Variants in ODAD2 observed in about 807,000 individuals in gnomAD.
ODAD2 encodes outer dynein arm-docking complex subunit 2.
A neutral mutation model predicts 106.8 loss-of-function variants in ODAD2; 89 were observed. That is an observed-to-expected ratio of 0.83 (90% CI 0.70 to 0.99). The LOEUF is 0.99. ODAD2 is among the 50% of genes least tolerant of loss of function. The probability of loss-of-function intolerance (pLI) is 0.00; values close to 1 mark genes in which losing one functional copy is unlikely to be tolerated. For synonymous variants in ODAD2, 404 were observed against 436.2 expected, an observed-to-expected ratio of 0.93 and a Z score of 0.92; for missense variants, 1,168 against 1,238.5, an observed-to-expected ratio of 0.94 and a Z score of 0.85.
In ODAD2 at chr10:27,981,569, T is replaced by A; in HGVS notation, c.833A>T (p.Asp278Val). 6.5e-7 allele frequency: 1 copy of A among 1,544,780 alleles called. No homozygotes were observed. The highest frequency in any genetic ancestry group is 1.3e-5 in the South Asian group (1 of 77,296). The change falls in exon 7 of 20, where the codon GAT (aspartate) becomes GTT (valine). Residue 278 changes from aspartate to valine, a missense_variant. Transcript: ENST00000305242. ...TCTCTCATAATTAACGTCCCCTTCA[T>A]CATCTGTTTTGCCCTTTGGGAAAAA... is the stretch of plus-strand genomic sequence containing the variant. ...GVFLNGGKTD[D>V]EGDVNYERKG...
chr10:27,936,585 C>A (rs570728324), intron 15 of ODAD2, 141 bp downstream of exon 15: 8 of 964,836 alleles, frequency 8.3e-6, no homozygotes, highest in East Asian at 2.5e-5. Flanking sequence ...TTCTAAGAAT[C>A]CCTTCATTGG....
In ODAD2 at chr10:27,812,477, G is replaced by A. The variant is rs1430819031; in HGVS notation, c.*35C>T. On this transcript the variant is annotated 3_prime_UTR_variant, in exon 20 of 20. Transcript: ENST00000305242. ...ATGGGAGTGACATGTCCTGTGTCAT[G>A]TAGAATTTGATAGCTTGTAATGTCC... is the stretch of plus-strand genomic sequence containing the variant. The A allele has an allele frequency of 5.0e-6, 8 of 1,606,790 alleles. No homozygotes were observed. The highest frequency in any genetic ancestry group is 5.1e-6 in the Non-Finnish European group (6 of 1,175,282).
rs1292014562 is a variant in ODAD2 at position 27,885,734 on chromosome 10, ATAT to A, written c.2610+21926_2610+21928del. ...ATATATTATATATTATATATAAAAT[ATAT>A]TATGTTATATATAATATATATTTTA... On this transcript the variant is annotated intron_variant, in intron 17 of 19. Transcript: ENST00000305242. Among the ~76,000 whole-genome samples the A allele has an allele frequency of 1.1e-3, 21 of 18,362 alleles. 1 individual carries two copies. The highest frequency in any genetic ancestry group is 1.4e-3 in the Admixed American group (1 of 740). The allele number at this position is 18,362 out of a possible 152,430, so 12.0% of individuals were successfully genotyped here.
At chr10:27,901,522 T>C (rs1320097548) in intron 17 of ODAD2, among the ~76,000 whole-genome samples, 1 of 152,044 alleles carries the variant, frequency 6.6e-6, no homozygotes, top group African/African-American at 2.4e-5. Flanking sequence ...GATTGGCAAA[T>C]TGGATAAAGA....
At position 27,924,018 on chromosome 10, in the gene ODAD2, GAAAGA is replaced by G. The variant is rs1845033529; in HGVS notation, c.2495+10987_2495+10991del. On this transcript the variant is annotated intron_variant, in intron 16 of 19. Coordinates refer to ENST00000305242, the MANE Select transcript of ODAD2 (RefSeq NM_018076.5). ...AGAAAGAAAGAAAGAAAGAAAGAAAGAAAGAAGGAAAGAGAAAGAAAGAAGGAAAG... is the reference window on the plus strand; with the variant it reads ...AGAAAGAAAGAAAGAAAGAAAGAAAGAGGAAAGAGAAAGAAAGAAGGAAAG... Among the ~76,000 whole-genome samples, 3 of 141,810 alleles carry G rather than the reference GAAAGA, an allele frequency of 2.1e-5. 1 individual carries two copies. The highest frequency in any genetic ancestry group is 8.3e-5 in the African/African-American group (3 of 36,184). The allele number at this position is 141,810 out of a possible 152,430, so 93.0% of individuals were successfully genotyped here.
chr10:27,876,709 C>T (rs939402306), intron 17 of ODAD2, among the ~76,000 whole-genome samples: 3 of 152,130 alleles, frequency 2.0e-5, no homozygotes, highest in African/African-American at 7.2e-5. Flanking sequence ...ACAGGTCACA[C>T]CAAGGAATGG....
At chr10:27,847,511 C>G (rs1838870704) in intron 19 of ODAD2, among the ~76,000 whole-genome samples, 1 of 152,110 alleles carries the variant, frequency 6.6e-6, no homozygotes, top group South Asian at 2.1e-4. Flanking sequence ...AAAACTGGCA[C>G]AAGACAGGGA....
rs150741121 is a variant in ODAD2, at chr10:27,849,603, C to G, written c.3021+11022G>C. Among the ~76,000 whole-genome samples the G allele has an allele frequency of 1.7e-4, 26 of 152,080 alleles. 1 individual carries two copies. The East Asian group carries it at 5.0e-3, about 29-fold the overall frequency. Reference sequence around the variant, plus strand: ...ATCACCTCAGAGGCAAAAGCATTGCCTAGAGCTCCCCATGGAAAACTTAAA... The same window carrying G: ...ATCACCTCAGAGGCAAAAGCATTGCGTAGAGCTCCCCATGGAAAACTTAAA... On this transcript the variant is annotated intron_variant, in intron 19 of 19. Coordinates refer to ENST00000305242, the MANE Select transcript of ODAD2 (RefSeq NM_018076.5).
chr10:27,845,585 T>G (rs1838675523), intron 19 of ODAD2, among the ~76,000 whole-genome samples: 1 of 152,196 alleles, frequency 6.6e-6, no homozygotes, highest in Non-Finnish European at 1.5e-5. Context: ...TAACTTTAAA[T>G]GTAAATGGGC....
chr10:27,882,169 A>G (rs1426058511), intron 17 of ODAD2, among the ~76,000 whole-genome samples: 2 of 88,262 alleles, frequency 2.3e-5, no homozygotes, highest in African/African-American at 9.7e-5. Context: ...CCTTGTCATA[A>G]AAAAAAAGAA....
chr10:27,860,952 G>C, intron 18 of ODAD2, 106 bp from the exon 19 acceptor site: 1 of 939,546 alleles, frequency 1.1e-6, no homozygotes, highest in Non-Finnish European at 1.6e-6. Flanking sequence ...AATGAGTCTA[G>C]AGAAAAGGGC....
rs745322546 is a variant in ODAD2, at chr10:27,907,615, T to C, written c.2610+48A>G. On this transcript the variant is annotated intron_variant, in intron 17 of 19. Coordinates refer to ENST00000305242, the MANE Select transcript of ODAD2 (RefSeq NM_018076.5). ...AGTAACCTGTGGTGGCATTTTTCAG[T>C]ATAGTATTAGAGATTCTAGAAGAGA... The C allele has an allele frequency of 8.3e-6, 11 of 1,331,616 alleles. No individual in the cohort carries two copies. The South Asian group carries it at 1.2e-4, about 15-fold the overall frequency. The allele number at this position is 1,331,616 out of a possible 1,614,324, so 82.5% of individuals were successfully genotyped here.
chr10:27,977,941 T>C (rs1415163100), intron 7 of ODAD2, among the ~76,000 whole-genome samples: 2 of 152,220 alleles, frequency 1.3e-5, no homozygotes, highest in East Asian at 3.9e-4. Context: ...ATGTAAAATA[T>C]TGCAACCACT....
chr10:27,841,224 TGA>T (rs1838281377), intron 19 of ODAD2, among the ~76,000 whole-genome samples: 1 of 152,174 alleles, frequency 6.6e-6, no homozygotes, highest in African/African-American at 2.4e-5. Flanking sequence ...GTTATTACTA[TGA>T]TTATTTCCCT....
chr10:27,932,547 A>T (rs560375530), intron 16 of ODAD2, among the ~76,000 whole-genome samples: 1 of 152,342 alleles, frequency 6.6e-6, no homozygotes, highest in African/African-American at 2.4e-5. Flanking sequence ...AGACAATGAT[A>T]AATTCTATAT....
chr10:27,845,683 T>A (rs1009009146), intron 19 of ODAD2, among the ~76,000 whole-genome samples: 3 of 152,298 alleles, frequency 2.0e-5, no homozygotes, highest in Non-Finnish European at 4.4e-5. Context: ...ACCCATCTCA[T>A]GTGCAGAGAC....
intron 17 of ODAD2, among the ~76,000 whole-genome samples, chr10:27,875,406 G>A (rs1053214647): frequency 3.9e-5 from 6 of 152,066 alleles, no homozygotes; most frequent in South Asian, 4.1e-4. Flanking sequence ...GAGGAGCTGC[G>A]TTCCTTTGGA....
chr10:27,972,276 G>A (rs796996467), intron 7 of ODAD2, among the ~76,000 whole-genome samples: 1 of 152,012 alleles, frequency 6.6e-6, no homozygotes, highest in South Asian at 2.1e-4. Context: ...GAAACTTTTA[G>A]TAAGAAATAT....
At chr10:27,869,994 A>AAT (rs201983611) in intron 17 of ODAD2, among the ~76,000 whole-genome samples, 117 of 150,838 alleles carry the variant, frequency 7.8e-4, no homozygotes, top group African/African-American at 3.9e-4. Flanking sequence ...TTCAAAGTAA[A>AAT]ATATATATAT....
Sources: gnomAD v4.1 joint callset for allele counts (sites outside exome capture counted in the v4.1 genomes callset) on GRCh38, gnomAD v4.1.1 for gene constraint, MANE v1.5 for transcripts, NCBI Gene and HGNC (gene_info 2026-07-23, HGNC 2026-07-21) for gene names.